GULP1: variants seen among roughly 807,000 people sequenced by gnomAD.
GULP1 encodes PTB domain-containing engulfment adapter protein 1.
In GULP1, 19 loss-of-function variants were observed where a neutral mutation model predicts 40.9. The ratio of observed to expected loss-of-function variants is 0.46; its 90% CI spans 0.32 to 0.68. GULP1 has a LOEUF of 0.68. Among genes scored for constraint, GULP1 ranks in the 30% least tolerant of loss-of-function variants. The pLI, the probability that GULP1 is intolerant of heterozygous loss-of-function variation, is 0.03. For synonymous variants in GULP1, 119 were observed against 117.6 expected (o/e 1.01, Z -0.08); for missense variants, 312 against 362.2 (o/e 0.86, Z 1.12).
At chr2:188,585,901 A>G (rs776401276) in intron 10 of GULP1, among the ~76,000 whole-genome samples, 118 of 152,172 alleles carry the variant, frequency 7.8e-4, no homozygotes, top group Non-Finnish European at 3.7e-4. Flanking sequence ...TTTCTACCAC[A>G]TAGTCGGGCT....
At chr2:188,540,080 C>T (rs1020020291) in intron 6 of GULP1, among the ~76,000 whole-genome samples, 3 of 152,050 alleles carry the variant, frequency 2.0e-5, no homozygotes, top group African/African-American at 7.2e-5. Context: ...TTGCTTCCAT[C>T]TCCAATCTTA....
chr2:188,344,294 A>T (rs2152214069), intron 1 of GULP1, among the ~76,000 whole-genome samples: 1 of 152,174 alleles, frequency 6.6e-6, no homozygotes, highest in East Asian at 1.9e-4. Flanking sequence ...TAAATTGGGC[A>T]AAGTCTAGTA....
chr2:188,495,293 A>C (rs2062795402), intron 4 of GULP1, among the ~76,000 whole-genome samples: 1 of 152,064 alleles, frequency 6.6e-6, no homozygotes, highest in African/African-American at 2.4e-5. Context: ...CTATACCTAC[A>C]TATATGCCCT....
At position 188,525,314 on chromosome 2, in the gene GULP1, C is replaced by T. The variant is rs1015300398; in HGVS notation, c.162+2487C>T. 8.5e-5 allele frequency among the ~76,000 whole-genome samples: 13 copies of T among 152,098 alleles called. No homozygotes were observed. In the East Asian group the frequency reaches 2.5e-3, roughly 29 times the overall value. On this transcript the variant is annotated intron_variant, in intron 5 of 11. Transcript: ENST00000409830. Reference sequence around the variant, plus strand: ...GCTGAGGCAGGAGAATCACTTGAACCTGGGAAGCAGGGGTTGCAGTGAGCC... The same window carrying T: ...GCTGAGGCAGGAGAATCACTTGAACTTGGGAAGCAGGGGTTGCAGTGAGCC...
intron 4 of GULP1, among the ~76,000 whole-genome samples, chr2:188,515,702 CACAG>C (rs1348170687): frequency 2.1e-5 from 3 of 141,518 alleles, no homozygotes; most frequent in Non-Finnish European, 4.5e-5. Context: ...CACTTACACA[CACAG>C]ACACACACAC....
intron 1 of GULP1, among the ~76,000 whole-genome samples, chr2:188,338,751 A>G (rs922506675): frequency 5.3e-5 from 8 of 152,140 alleles, no homozygotes; most frequent in Non-Finnish European, 1.0e-4. Flanking sequence ...TAAGGTGAAA[A>G]TGTGTTTATA....
chr2:188,358,581 A>G (rs960615228), intron 1 of GULP1, among the ~76,000 whole-genome samples: 8 of 152,176 alleles, frequency 5.3e-5, no homozygotes, highest in Non-Finnish European at 1.2e-4. Flanking sequence ...GTATACATGT[A>G]TCATGTATTG....
At chr2:188,364,776 TG>T (rs1250241669) in intron 1 of GULP1, among the ~76,000 whole-genome samples, 4 of 144,974 alleles carry the variant, frequency 2.8e-5, no homozygotes, top group African/African-American at 7.4e-5. Flanking sequence ...CATATATACA[TG>T]ATATATATAC....
At chr2:188,403,809 A>G (rs1441083547) in intron 2 of GULP1, among the ~76,000 whole-genome samples, 1 of 152,186 alleles carries the variant, frequency 6.6e-6, no homozygotes, top group Non-Finnish European at 1.5e-5. Flanking sequence ...CTAAGTTGGG[A>G]CACAGCAGAG....
rs937492624 is a variant in GULP1, at chr2:188,595,573, A to T, written c.*1562A>T. ...TGTCAGATAGTATTTTGGAATTTGT[A>T]TAATAAGGATGTTTAGAAGCCATAT... is the stretch of plus-strand genomic sequence containing the variant. On this transcript the variant is annotated 3_prime_UTR_variant, in exon 12 of 12. Coordinates refer to ENST00000409830, the MANE Select transcript of GULP1 (RefSeq NM_016315.4). 8 of 152,170 alleles carry T rather than the reference A, an allele frequency of 5.3e-5. No individual in the cohort carries two copies. The highest frequency in any genetic ancestry group is 4.0e-4 in the Admixed American group (6 of 15,180). 9.4% of individuals were successfully genotyped at this position (152,170 alleles called of 1,614,324 possible).
intron 1 of GULP1, among the ~76,000 whole-genome samples, chr2:188,345,075 TCAGGCTCTGACAAAGGTACAC>T: frequency 6.6e-6 from 1 of 152,194 alleles, no homozygotes; most frequent in Non-Finnish European, 1.5e-5. Context: ...AGTATGTACT[TCAGGCTCTGACAAAGGTACAC>T]TTTTTGCTAA....
rs572792185 is a variant in GULP1 at position 188,383,789 on chromosome 2, T to A, written c.-145T>A. ...TATTTATGATTCCATCTGATATACA[T>A]AGGAGAGAAACTGATAGAAGAATTC... is the stretch of plus-strand genomic sequence containing the variant. On this transcript the variant is annotated 5_prime_UTR_variant, in exon 2 of 12. Transcript: ENST00000409830. The A allele has an allele frequency of 6.6e-6, 1 of 152,154 alleles. No individual in the cohort carries two copies. The highest frequency in any genetic ancestry group is 6.6e-5 in the Admixed American group (1 of 15,258). 9.4% of individuals were successfully genotyped at this position (152,154 alleles called of 1,614,324 possible).
At chr2:188,548,817 G>A (rs1692652210) in intron 7 of GULP1, among the ~76,000 whole-genome samples, 1 of 141,300 alleles carries the variant, frequency 7.1e-6, no homozygotes, top group Non-Finnish European at 1.5e-5. Context: ...CAGTGCAATA[G>A]GGGAAAGAAG....
intron 1 of GULP1, among the ~76,000 whole-genome samples, chr2:188,318,751 T>G (rs2106540066): frequency 6.6e-6 from 1 of 152,278 alleles, no homozygotes; most frequent in East Asian, 1.9e-4. Flanking sequence ...GCCCCTTAAT[T>G]TGCATGTAAT....
intron 2 of GULP1, among the ~76,000 whole-genome samples, chr2:188,470,497 T>C (rs528183765): frequency 1.3e-5 from 2 of 152,244 alleles, no homozygotes; most frequent in African/African-American, 4.8e-5. Context: ...TTAAGATGTA[T>C]CATTAGGTTG....
At chr2:188,422,405 C>CATAT (rs144618546) in intron 2 of GULP1, among the ~76,000 whole-genome samples, 3 of 148,274 alleles carry the variant, frequency 2.0e-5, no homozygotes, top group South Asian at 2.1e-4. Flanking sequence ...CACACATATA[C>CATAT]ATATATATAT....
At chr2:188,535,192 T>G (rs1013910015) in intron 6 of GULP1, among the ~76,000 whole-genome samples, 4 of 152,188 alleles carry the variant, frequency 2.6e-5, no homozygotes, top group African/African-American at 9.6e-5. Flanking sequence ...TTTAATAATT[T>G]CAACTTTCAT....
At position 188,567,781 on chromosome 2, in the gene GULP1, A is replaced by C. The variant is rs368939791; in HGVS notation, c.400-1458A>C. On this transcript the variant is annotated intron_variant, in intron 7 of 11. Coordinates refer to ENST00000409830, the MANE Select transcript of GULP1 (RefSeq NM_016315.4). ...TTTGGAAGAAATTTTTAAAAAGAAG[A>C]AGAAAAACGTCTTTTTATTGTAAAA... is the stretch of plus-strand genomic sequence containing the variant. 2.6e-4 allele frequency among the ~76,000 whole-genome samples: 40 copies of C among 152,304 alleles called. 1 individual carries two copies. The highest frequency in any genetic ancestry group is 9.4e-4 in the African/African-American group (39 of 41,578).
At chr2:188,558,717 G>A (rs1222916898) in intron 7 of GULP1, among the ~76,000 whole-genome samples, 1 of 152,184 alleles carries the variant, frequency 6.6e-6, no homozygotes, top group Non-Finnish European at 1.5e-5. Flanking sequence ...GGACAATAAG[G>A]TCCAGGTTGA....
Sources: allele counts gnomAD v4.1 joint callset (sites outside exome capture counted in the v4.1 genomes callset), GRCh38; gene constraint gnomAD v4.1.1; transcripts MANE v1.5; gene names NCBI Gene and HGNC (gene_info 2026-07-23, HGNC 2026-07-21).